Variants in KCND2 observed in about 807,000 individuals in gnomAD.
KCND2 encodes A-type voltage-gated potassium channel KCND2.
A neutral mutation model predicts 54.4 loss-of-function variants in KCND2; 16 were observed. The observed-to-expected ratio is 0.29, with a 90% confidence interval of 0.20 to 0.45. KCND2 has a LOEUF of 0.45. Ranked by LOEUF, KCND2 falls within the 20% of genes least tolerant of loss-of-function variation. The pLI, the probability that KCND2 is intolerant of heterozygous loss-of-function variation, is 1.00. For missense variants in KCND2, 486 were observed against 824.2 expected (o/e 0.59, Z 5.02); for synonymous variants, 317 against 310.7 (o/e 1.02, Z -0.21).
At chr7:120,336,827 A>T (rs1037640092) in intron 1 of KCND2, among the ~76,000 whole-genome samples, 1 of 152,202 alleles carries the variant, frequency 6.6e-6, no homozygotes, top group South Asian at 2.1e-4. Context: ...AGCCCAAATC[A>T]GTGTTTTTAG....
intron 1 of KCND2, among the ~76,000 whole-genome samples, chr7:120,535,825 G>C (rs1237411883): frequency 2.6e-5 from 4 of 152,166 alleles, no homozygotes; most frequent in African/African-American, 9.6e-5. Context: ...AAGGCATCCA[G>C]CTGGAGATAG....
intron 1 of KCND2, among the ~76,000 whole-genome samples, chr7:120,367,595 G>A (rs1208337903): frequency 6.7e-6 from 1 of 149,490 alleles, no homozygotes; most frequent in Non-Finnish European, 1.5e-5. Flanking sequence ...ATTTAAACAG[G>A]CCCTCTTCCA....
chr7:120,730,107 A>G (rs1435493698), intron 1 of KCND2, among the ~76,000 whole-genome samples: 1 of 152,180 alleles, frequency 6.6e-6, no homozygotes, highest in Non-Finnish European at 1.5e-5. Context: ...TAGCTAGTTT[A>G]TATATTTATA....
chr7:120,654,793 T>A (rs953507897), intron 1 of KCND2, among the ~76,000 whole-genome samples: 1 of 152,116 alleles, frequency 6.6e-6, no homozygotes, highest in Non-Finnish European at 1.5e-5. Context: ...GATGGAGATA[T>A]AGATATTTAG....
At chr7:120,739,993 C>T (rs1329235576) in intron 2 of KCND2, among the ~76,000 whole-genome samples, 3 of 151,686 alleles carry the variant, frequency 2.0e-5, no homozygotes, top group Admixed American at 6.6e-5. Flanking sequence ...TTGTTTATAC[C>T]GTGGTATATT....
chr7:120,462,481 A>G (rs528306022), intron 1 of KCND2, among the ~76,000 whole-genome samples: 1 of 152,170 alleles, frequency 6.6e-6, no homozygotes, highest in East Asian at 1.9e-4. Flanking sequence ...GAGCACAGAT[A>G]TTGAAAACCC....
intron 1 of KCND2, among the ~76,000 whole-genome samples, chr7:120,414,314 T>G (rs374839027): frequency 6.6e-6 from 1 of 152,122 alleles, no homozygotes; most frequent in African/African-American, 2.4e-5. Context: ...CAAAAACCAT[T>G]TGAGATTGTT....
At chr7:120,540,642 C>G (rs1450636562) in intron 1 of KCND2, among the ~76,000 whole-genome samples, 11 of 152,140 alleles carry the variant, frequency 7.2e-5, no homozygotes, top group South Asian at 2.1e-4. Flanking sequence ...TTAAACAGGT[C>G]AACTGTAAGA....
At chr7:120,456,506 TA>T (rs1235618427) in intron 1 of KCND2, among the ~76,000 whole-genome samples, 2 of 152,224 alleles carry the variant, frequency 1.3e-5, no homozygotes, top group Non-Finnish European at 2.9e-5. Flanking sequence ...TTCAACTATT[TA>T]TTTCTGTTTT....
chr7:120,436,641 G>A (rs1241003906), intron 1 of KCND2, among the ~76,000 whole-genome samples: 3 of 152,080 alleles, frequency 2.0e-5, no homozygotes, highest in Non-Finnish European at 2.9e-5. Context: ...TGCCAGGTGG[G>A]GGGCCATCTG....
chr7:120,328,287 A>G (rs1456000092), intron 1 of KCND2, among the ~76,000 whole-genome samples: 1 of 152,164 alleles, frequency 6.6e-6, no homozygotes, highest in Non-Finnish European at 1.5e-5. Flanking sequence ...ACTTGATAGT[A>G]TTTATTGGAT....
intron 1 of KCND2, among the ~76,000 whole-genome samples, chr7:120,276,621 C>T (rs1300912369): frequency 6.6e-6 from 1 of 151,906 alleles, no homozygotes; most frequent in Non-Finnish European, 1.5e-5. Flanking sequence ...TTTGTGAATT[C>T]TTTTTTGGGG....
At chr7:120,285,008 A>G (rs992541455) in intron 1 of KCND2, among the ~76,000 whole-genome samples, 2 of 152,170 alleles carry the variant, frequency 1.3e-5, no homozygotes, top group African/African-American at 2.4e-5. Context: ...AAAGATAAAT[A>G]AATTCATGTA....
At chr7:120,615,779 A>G (rs964156551) in intron 1 of KCND2, among the ~76,000 whole-genome samples, 1 of 152,212 alleles carries the variant, frequency 6.6e-6, no homozygotes, top group Non-Finnish European at 1.5e-5. Flanking sequence ...TGTATGAAAA[A>G]ATAGGAGAAA....
chr7:120,422,386 C>T, intron 1 of KCND2, among the ~76,000 whole-genome samples: 1 of 152,130 alleles, frequency 6.6e-6, no homozygotes, highest in East Asian at 1.9e-4. Context: ...CACAGTTATC[C>T]TCAGGAGATT....
intron 1 of KCND2, among the ~76,000 whole-genome samples, chr7:120,277,812 C>A (rs1799200636): frequency 6.6e-6 from 1 of 151,584 alleles, no homozygotes; most frequent in Non-Finnish European, 1.5e-5. Context: ...TTAAAAGCAC[C>A]CATTTTTGAA....
intron 1 of KCND2, among the ~76,000 whole-genome samples, chr7:120,434,438 C>T (rs1801837940): frequency 6.6e-6 from 1 of 152,140 alleles, no homozygotes; most frequent in Non-Finnish European, 1.5e-5. Context: ...CCTAGAGCAG[C>T]TTAAGAATCC....
intron 1 of KCND2, among the ~76,000 whole-genome samples, chr7:120,420,341 T>C (rs1346902438): frequency 1.3e-5 from 2 of 152,208 alleles, no homozygotes; most frequent in African/African-American, 4.8e-5. Flanking sequence ...AAAGACCCAC[T>C]ACCAGTGGTT....
intron 1 of KCND2, among the ~76,000 whole-genome samples, chr7:120,724,907 T>C (rs561576998): frequency 1.3e-5 from 2 of 152,340 alleles, no homozygotes; most frequent in African/African-American, 4.8e-5. Context: ...GAAAGGCATA[T>C]TTTGAACATA....
Sources: allele counts gnomAD v4.1 joint callset (sites outside exome capture counted in the v4.1 genomes callset), GRCh38; gene constraint gnomAD v4.1.1; transcripts MANE v1.5; gene names NCBI Gene and HGNC (gene_info 2026-07-23, HGNC 2026-07-21).